Variants in NFIA observed in about 807,000 individuals in gnomAD.
NFIA encodes the protein nuclear factor I A, also known as nuclear factor 1 A-type.
Under a neutral mutation model 62.8 loss-of-function variants are expected in NFIA, and 8 were observed. That is an observed-to-expected ratio of 0.13 (90% CI 0.07 to 0.23). NFIA has a LOEUF of 0.23. Ranked by LOEUF, NFIA falls within the 10% of genes least tolerant of loss-of-function variation. The pLI is 1.00. For missense variants in NFIA, 410 were observed against 642.1 expected (o/e 0.64, Z 3.91); for synonymous variants, 235 against 238.1 (o/e 0.99, Z 0.12).
At chr1:61,112,821 C>T (rs1259396560) in intron 2 of NFIA, among the ~76,000 whole-genome samples, 2 of 152,206 alleles carry the variant, frequency 1.3e-5, no homozygotes, top group Non-Finnish European at 2.9e-5. Flanking sequence ...ACATTCATTT[C>T]ATATGCATTG....
intron 2 of NFIA, among the ~76,000 whole-genome samples, chr1:61,187,019 G>A (rs146615261): frequency 1.6e-4 from 25 of 152,282 alleles, no homozygotes; most frequent in African/African-American, 5.8e-4. Context: ...AGCCCTGGAA[G>A]GATTCAGTAA....
Position 61,288,317 on chromosome 1 carries a change from A to G in NFIA, c.625+10732A>G, listed in dbSNP as rs561301007. Among the ~76,000 whole-genome samples the G allele has an allele frequency of 7.4e-4, 113 of 152,226 alleles. 1 individual carries two copies. Among genetic ancestry groups the G allele is most frequent in the African/African-American group, 2.7e-3 (113 of 41,540 alleles). ...TAAACTTGAAAATAGAAGGGGCCAT[A>G]TTTTTCATGTGCAATATGGAATGAT... On this transcript the variant is annotated intron_variant, in intron 3 of 10. Transcript: ENST00000403491.
intron 2 of NFIA, among the ~76,000 whole-genome samples, chr1:61,114,570 A>T (rs1371691454): frequency 2.0e-5 from 3 of 152,298 alleles, no homozygotes; most frequent in African/African-American, 7.2e-5. Context: ...ATATTTTTTT[A>T]AAAGTTGGCT....
intron 2 of NFIA, among the ~76,000 whole-genome samples, chr1:61,146,730 C>T (rs1006794311): frequency 3.3e-5 from 5 of 152,166 alleles, no homozygotes; most frequent in African/African-American, 9.7e-5. Context: ...TACCCTCCAC[C>T]CCCACATGGT....
intron 2 of NFIA, among the ~76,000 whole-genome samples, chr1:61,211,364 C>G (rs1441556962): frequency 6.6e-6 from 1 of 152,018 alleles, no homozygotes; most frequent in Non-Finnish European, 1.5e-5. Flanking sequence ...GGTCACAGTT[C>G]AGAAATGAAT....
At chr1:61,082,446 G>C (rs1357242850), upstream of NFIA, 4 of 1,035,898 alleles carry the variant, frequency 3.9e-6, no homozygotes, top group Non-Finnish European at 4.6e-6. Flanking sequence ...AGGCGGGCGC[G>C]CGGGCAGCTC....
chr1:61,231,525 A>C (rs1040136008), intron 2 of NFIA, among the ~76,000 whole-genome samples: 3 of 151,436 alleles, frequency 2.0e-5, no homozygotes, highest in Admixed American at 6.6e-5. Flanking sequence ...TAAAATTCAG[A>C]TCCATTCAAA....
chr1:61,457,001 G>A lies in NFIA; in HGVS notation c.*1681G>A, dbSNP rs1427360565. On this transcript the variant is annotated 3_prime_UTR_variant, in exon 11 of 11. Transcript: ENST00000403491. The surrounding 1 kb of genome is among the most constrained non-coding windows in gnomAD (Gnocchi z 4.2). Reference sequence around the variant, plus strand: ...TCAGAGAAAGTCTCTGCATGTTCTAGTGTTAGTAACTAATTTTTATATAGT... The same window carrying A: ...TCAGAGAAAGTCTCTGCATGTTCTAATGTTAGTAACTAATTTTTATATAGT... 6.6e-5 allele frequency: 10 copies of A among 152,122 alleles called. No individual in the cohort carries two copies. The highest frequency in any genetic ancestry group is 2.9e-5 in the Non-Finnish European group (2 of 68,040). 9.4% of individuals were successfully genotyped at this position (152,122 alleles called of 1,614,324 possible). A position where few individuals can be genotyped will look rare whatever the true frequency, so the allele number is the denominator to read the frequency against.
intron 2 of NFIA, among the ~76,000 whole-genome samples, chr1:61,126,462 A>ACACTCT (rs1553153080): frequency 6.9e-6 from 1 of 145,820 alleles, no homozygotes; most frequent in Non-Finnish European, 1.5e-5. Context: ...ACACACACAC[A>ACACTCT]CACACACACA....
Position 61,455,392 on chromosome 1 carries a change from C to A in NFIA, c.*72C>A, listed in dbSNP as rs746516057. 1 of 1,613,272 alleles carries A rather than the reference C, an allele frequency of 6.2e-7. No individual in the cohort carries two copies. Among genetic ancestry groups the A allele is most frequent in the Non-Finnish European group, 8.5e-7 (1 of 1,179,598 alleles). ...CTCAACTCTGTAACATGGACGCAAC[C>A]TCAACCCAGCGCAGTTACAACTTCA... is the stretch of plus-strand genomic sequence containing the variant. On this transcript the variant is annotated 3_prime_UTR_variant, in exon 11 of 11. Transcript: ENST00000403491.
chr1:61,412,661 C>G (rs1378122658), intron 9 of NFIA, among the ~76,000 whole-genome samples: 1 of 152,186 alleles, frequency 6.6e-6, no homozygotes, highest in Non-Finnish European at 1.5e-5. Flanking sequence ...CATCTTACTG[C>G]TGGACTTATC....
At chr1:61,442,565 T>C (rs1667631672) in intron 10 of NFIA, among the ~76,000 whole-genome samples, 2 of 150,580 alleles carry the variant, frequency 1.3e-5, no homozygotes, top group Admixed American at 6.6e-5. Context: ...TCAGAGTTGC[T>C]TAAAAAAAAA....
At chr1:61,380,474 A>C (rs953283154) in intron 6 of NFIA, among the ~76,000 whole-genome samples, 1 of 152,166 alleles carries the variant, frequency 6.6e-6, no homozygotes, top group South Asian at 2.1e-4. Flanking sequence ...AAAGGAGTTT[A>C]TTTTTAAAGT....
intron 9 of NFIA, among the ~76,000 whole-genome samples, chr1:61,423,200 A>G (rs979246299): frequency 2.6e-5 from 4 of 152,046 alleles, no homozygotes; most frequent in African/African-American, 9.7e-5. Flanking sequence ...ATGTTAGGAA[A>G]ATGGTTCATA....
chr1:61,199,974 G>A (rs888253528), intron 2 of NFIA, among the ~76,000 whole-genome samples: 2 of 140,516 alleles, frequency 1.4e-5, no homozygotes, highest in Non-Finnish European at 3.1e-5. Flanking sequence ...CAGCCTGCAC[G>A]ACAGAGCGAG....
intron 9 of NFIA, among the ~76,000 whole-genome samples, chr1:61,414,774 G>A (rs1411803858): frequency 6.6e-6 from 1 of 152,098 alleles, no homozygotes; most frequent in African/African-American, 2.4e-5. Flanking sequence ...TCCATTCGCG[G>A]AACTGTTTTT....
In NFIA at chr1:61,455,629, T is replaced by C; in HGVS notation, c.*309T>C. The C allele has an allele frequency of 2.2e-6, 1 of 448,036 alleles. No homozygotes were observed. Among genetic ancestry groups the C allele is most frequent in the Non-Finnish European group, 3.9e-6 (1 of 256,650 alleles). The allele number at this position is 448,036 out of a possible 1,614,324, so 27.8% of individuals were successfully genotyped here. A position where few individuals can be genotyped will look rare whatever the true frequency, so the allele number is the denominator to read the frequency against. ...ATGGTAGCGTGAGCATTAGGTGACG[T>C]GGCTAGCGGAGGACTACCCTTGCTC... On this transcript the variant is annotated 3_prime_UTR_variant, in exon 11 of 11. Transcript: ENST00000403491.
intron 2 of NFIA, among the ~76,000 whole-genome samples, chr1:61,108,718 T>A (rs1177363322): frequency 6.6e-6 from 1 of 151,736 alleles, no homozygotes; most frequent in African/African-American, 2.4e-5. Flanking sequence ...AATATTACTT[T>A]CGCTGCTCAC....
intron 2 of NFIA, among the ~76,000 whole-genome samples, chr1:61,137,556 T>A (rs1557591134): frequency 1.3e-5 from 2 of 152,222 alleles, no homozygotes; most frequent in African/African-American, 2.4e-5. Context: ...TATTTTGTGT[T>A]ATTTTTTTAA....
Sources: gnomAD v4.1 joint callset for allele counts (sites outside exome capture counted in the v4.1 genomes callset) on GRCh38, gnomAD v4.1.1 for gene constraint, Gnocchi (gnomAD v3.1) non-coding constraint, MANE v1.5 for transcripts, NCBI Gene and HGNC (gene_info 2026-07-23, HGNC 2026-07-21) for gene names.